SLC35H1: variants seen among roughly 807,000 people sequenced by gnomAD.
SLC35H1 encodes the protein solute carrier family 35 member H1.
At chr20:46,348,698 C>T in the SLC35H1 span, 1 of 152,232 alleles carries the variant, frequency 6.6e-6, no homozygotes, top group Non-Finnish European at 1.5e-5. Flanking sequence ...GTCACCGCCC[C>T]CTCCTGGCTT....
the SLC35H1 span, among the ~76,000 whole-genome samples, chr20:46,363,876 T>G: frequency 6.6e-6 from 1 of 152,348 alleles, no homozygotes; most frequent in East Asian, 1.9e-4. Flanking sequence ...AGCGGCCCCC[T>G]GCCACGTGTC....
the SLC35H1 span, among the ~76,000 whole-genome samples, chr20:46,361,798 G>A: frequency 6.6e-6 from 1 of 152,220 alleles, no homozygotes; most frequent in Non-Finnish European, 1.5e-5. Context: ...GGCACTCACA[G>A]GACATGCTGG....
chr20:46,361,110 C>T, the SLC35H1 span, among the ~76,000 whole-genome samples: 3 of 152,158 alleles, frequency 2.0e-5, no homozygotes, highest in African/African-American at 7.2e-5. Flanking sequence ...ACCTCTTCTT[C>T]CCTTAGATAT....
At chr20:46,353,647 C>G in the SLC35H1 span, among the ~76,000 whole-genome samples, 1 of 152,168 alleles carries the variant, frequency 6.6e-6, no homozygotes, top group Admixed American at 6.5e-5. Context: ...CGGGGAAGAG[C>G]AGCATAAGTA....
At chr20:46,357,291 C>A in the SLC35H1 span, among the ~76,000 whole-genome samples, 1 of 152,258 alleles carries the variant, frequency 6.6e-6, no homozygotes, top group Non-Finnish European at 1.5e-5. Flanking sequence ...CGTGTCACAG[C>A]CCTGCGAGGG....
At chr20:46,348,949 CA>C in the SLC35H1 span, 1 of 152,228 alleles carries the variant, frequency 6.6e-6, no homozygotes, top group Admixed American at 6.5e-5. Flanking sequence ...AGGAAGTTTG[CA>C]GACCCATTTT....
At chr20:46,358,487 T>C in the SLC35H1 span, 6 of 1,614,086 alleles carry the variant, frequency 3.7e-6, 1 homozygote, top group Non-Finnish European at 3.4e-6. Flanking sequence ...AAAGGCCACA[T>C]CGAGGGCCCA....
chr20:46,361,152 T>A, the SLC35H1 span, among the ~76,000 whole-genome samples: 8 of 152,100 alleles, frequency 5.3e-5, no homozygotes, highest in South Asian at 1.7e-3. Context: ...ACATCTAGAG[T>A]GTCTGAAACT....
the SLC35H1 span, chr20:46,363,032 C>T: frequency 2.0e-5 from 3 of 152,408 alleles, no homozygotes; most frequent in Non-Finnish European, 4.4e-5. Flanking sequence ...TCCCAAAGTT[C>T]TGGGATTACA....
chr20:46,358,763 G>T, the SLC35H1 span: 3 of 1,523,068 alleles, frequency 2.0e-6, no homozygotes, highest in East Asian at 7.3e-5. Flanking sequence ...CCCAAGGTCT[G>T]CTGCTGGGGA....
At chr20:46,358,823 T>C in the SLC35H1 span, 1 of 1,104,460 alleles carries the variant, frequency 9.1e-7, no homozygotes, top group Middle Eastern at 2.0e-4. Flanking sequence ...CTCGTAGCCA[T>C]GGGTGCCTCT....
the SLC35H1 span, among the ~76,000 whole-genome samples, chr20:46,362,876 C>G: frequency 6.6e-6 from 1 of 152,226 alleles, no homozygotes; most frequent in Admixed American, 6.5e-5. Context: ...AAGTGATTCT[C>G]CCGCCTCAGG....
chr20:46,361,402 T>A, the SLC35H1 span, among the ~76,000 whole-genome samples: 1 of 152,100 alleles, frequency 6.6e-6, no homozygotes, highest in African/African-American at 2.4e-5. Flanking sequence ...CACCATCCTC[T>A]CCCCAAATGA....
chr20:46,359,940 G>A, the SLC35H1 span, among the ~76,000 whole-genome samples: 1,941 of 152,196 alleles, frequency 0.013, 30 homozygotes, highest in African/African-American at 0.044. Flanking sequence ...TCCCCTCCCC[G>A]GGGCAAACAG....
chr20:46,362,516 C>T, the SLC35H1 span, among the ~76,000 whole-genome samples: 2 of 152,176 alleles, frequency 1.3e-5, no homozygotes, highest in Non-Finnish European at 2.9e-5. Flanking sequence ...CTACTCACTA[C>T]TGTGTGACCC....
At chr20:46,358,505 A>G in the SLC35H1 span, 1 of 1,614,120 alleles carries the variant, frequency 6.2e-7, no homozygotes, top group Non-Finnish European at 8.5e-7. Context: ...CCACCTCCCC[A>G]TTCGTGGCGG....
At chr20:46,358,398 A>G in the SLC35H1 span, 1 of 1,614,080 alleles carries the variant, frequency 6.2e-7, no homozygotes. Context: ...TTTGTCAGCC[A>G]CTTGTTGTAG....
the SLC35H1 span, chr20:46,350,331 G>C: frequency 1.3e-6 from 2 of 1,529,848 alleles, no homozygotes; most frequent in Non-Finnish European, 1.8e-6. Flanking sequence ...GGCGGCTTGA[G>C]CACAGTGAGT....
the SLC35H1 span, chr20:46,350,734 A>G: frequency 1.2e-6 from 2 of 1,610,628 alleles, no homozygotes; most frequent in African/African-American, 2.7e-5. Flanking sequence ...CAGAAAACAG[A>G]GGCTTCTGGA....
Sources: allele counts gnomAD v4.1 joint callset (sites outside exome capture counted in the v4.1 genomes callset), GRCh38; gene constraint gnomAD v4.1.1; transcripts MANE v1.5; gene names NCBI Gene and HGNC (gene_info 2026-07-23, HGNC 2026-07-21).